The following CEP170 variants were observed in gnomAD, a reference collection of about 807,000 sequenced individuals.
CEP170 encodes the protein centrosomal protein 170, also known as centrosomal protein of 170 kDa.
Under a neutral mutation model 151.9 loss-of-function variants are expected in CEP170, and 21 were observed. That is an observed-to-expected ratio of 0.14 (90% CI 0.10 to 0.20). CEP170 has a LOEUF of 0.20. CEP170 is among the 10% of genes least tolerant of loss of function. The probability of loss-of-function intolerance (pLI) is 1.00; values close to 1 mark genes in which losing one functional copy is unlikely to be tolerated. For missense variants in CEP170, 964 were observed against 1,892.9 expected, an observed-to-expected ratio of 0.51 and a Z score of 9.11; for synonymous variants, 356 against 648.8, an observed-to-expected ratio of 0.55 and a Z score of 6.86.
intron 1 of CEP170, among the ~76,000 whole-genome samples, chr1:243,242,408 C>T (rs529865475): frequency 4.0e-5 from 6 of 151,562 alleles, no homozygotes; most frequent in South Asian, 4.2e-4. Flanking sequence ...TTAGTAGAGA[C>T]GGGGTTTCAC....
At chr1:243,177,921 C>T (rs1447653711) in intron 10 of CEP170, among the ~76,000 whole-genome samples, 1 of 152,140 alleles carries the variant, frequency 6.6e-6, no homozygotes, top group Non-Finnish European at 1.5e-5. Flanking sequence ...TGTGCATGCA[C>T]ATTCACAGCA....
rs543703693 is a variant in CEP170 at position 243,176,971 on chromosome 1, T to C, written c.1567-4125A>G. Among the ~76,000 whole-genome samples the C allele has an allele frequency of 5.3e-5, 8 of 152,372 alleles. No homozygotes were observed. In the East Asian group the frequency reaches 1.3e-3, roughly 26 times the overall value. On this transcript the variant is annotated intron_variant, in intron 10 of 19. Coordinates refer to ENST00000366542, the MANE Select transcript of CEP170 (RefSeq NM_014812.3). ...AAACCAAACCTATGAAAAGTTTGACTGATTTTTTTCACTAGCATATTATGA... is the reference window on the plus strand; with the variant it reads ...AAACCAAACCTATGAAAAGTTTGACCGATTTTTTTCACTAGCATATTATGA...
At chr1:243,149,808 C>T (rs961762859) in intron 14 of CEP170, among the ~76,000 whole-genome samples, 2 of 152,076 alleles carry the variant, frequency 1.3e-5, no homozygotes, top group Non-Finnish European at 2.9e-5. Flanking sequence ...AAACCCACAC[C>T]ATTGAATTCT....
At chr1:243,210,442 C>T (rs1419015779) in intron 4 of CEP170, among the ~76,000 whole-genome samples, 1 of 151,798 alleles carries the variant, frequency 6.6e-6, no homozygotes, top group Non-Finnish European at 1.5e-5. Flanking sequence ...AATTATTTTG[C>T]ATGAAGCATT....
At chr1:243,169,396 A>C (rs2058670196) in intron 12 of CEP170, 2 of 656,304 alleles carry the variant, frequency 3.0e-6, no homozygotes, top group African/African-American at 3.7e-5. Context: ...AATATACAAT[A>C]TCTAATAAAA....
rs1316651683 is a variant in CEP170 at position 243,125,791 on chromosome 1, T to C, written c.*658A>G. 1.6e-5 allele frequency: 4 copies of C among 243,900 alleles called. No homozygotes were observed. The highest frequency in any genetic ancestry group is 9.0e-5 in the African/African-American group (4 of 44,334). The allele number at this position is 243,900 out of a possible 1,614,324, so 15.1% of individuals were successfully genotyped here. ...TAGTCCTTATTGATATATAGATATG[T>C]CCACCTACCACTCCCAGCAAATCTT... On this transcript the variant is annotated 3_prime_UTR_variant, in exon 20 of 20. Coordinates refer to ENST00000366542, the MANE Select transcript of CEP170 (RefSeq NM_014812.3).
At chr1:243,197,831 C>G (rs1431821595) in intron 7 of CEP170, among the ~76,000 whole-genome samples, 1 of 151,956 alleles carries the variant, frequency 6.6e-6, no homozygotes, top group Non-Finnish European at 1.5e-5. Context: ...TGAAAGCGTG[C>G]TAAGTAATAC....
chr1:243,156,300 T>C lies in CEP170; in HGVS notation c.3832A>G (p.Ser1278Gly). Residue 1278 changes from serine to glycine, a missense_variant, in exon 14 of 20, where the codon AGT becomes GGT. Physicochemically the swap from Ser to Gly is moderately conservative, Grantham distance 56. Coordinates refer to ENST00000366542, the MANE Select transcript of CEP170 (RefSeq NM_014812.3). Reference protein sequence around the residue: ...LQSAGSAMPTSSSFKHRIKEQ... With the variant: ...LQSAGSAMPTGSSFKHRIKEQ... ...TTAATCCGGTGTTTGAATGAAGAAC[T>C]AGTAGGCATTGCTGATCCAGCGCTC... 1 of 1,592,266 alleles carries C rather than the reference T, an allele frequency of 6.3e-7. No individual in the cohort carries two copies. Among genetic ancestry groups the C allele is most frequent in the Non-Finnish European group, 8.5e-7 (1 of 1,169,612 alleles).
chr1:243,138,955 A>G (rs576767593), intron 16 of CEP170, among the ~76,000 whole-genome samples: 3 of 152,316 alleles, frequency 2.0e-5, no homozygotes, highest in East Asian at 3.9e-4. Flanking sequence ...CTATGTAGCT[A>G]CCTTTCCTCC....
intron 12 of CEP170, chr1:243,166,671 G>C (rs2058467004): frequency 6.6e-6 from 1 of 152,260 alleles, no homozygotes; most frequent in African/African-American, 2.4e-5. Context: ...AATTCCTAGA[G>C]AAGTCAGGAA....
At chr1:243,150,576 T>C (rs1361401247) in intron 14 of CEP170, among the ~76,000 whole-genome samples, 1 of 152,208 alleles carries the variant, frequency 6.6e-6, no homozygotes, top group Non-Finnish European at 1.5e-5. Flanking sequence ...AAGCATTGGC[T>C]GGGATTCTTA....
intron 14 of CEP170, among the ~76,000 whole-genome samples, chr1:243,148,346 G>A (rs1034443994): frequency 6.3e-4 from 96 of 151,964 alleles, no homozygotes; most frequent in Non-Finnish European, 6.8e-4. Context: ...CGAGGTGGGC[G>A]GATCACCTGA....
intron 7 of CEP170, among the ~76,000 whole-genome samples, chr1:243,196,827 C>T (rs1558560730): frequency 6.6e-6 from 1 of 152,042 alleles, no homozygotes; most frequent in Non-Finnish European, 1.5e-5. Context: ...CTGTAACGTA[C>T]TGACGATAAA....
At chr1:243,252,664 T>C (rs1468486526) in intron 1 of CEP170, among the ~76,000 whole-genome samples, 1 of 152,100 alleles carries the variant, frequency 6.6e-6, no homozygotes, top group Non-Finnish European at 1.5e-5. Context: ...ATTATTTCCA[T>C]ACAAAATAAT....
At chr1:243,188,528 GTTCTT>G (rs1320242728) in intron 8 of CEP170, among the ~76,000 whole-genome samples, 1 of 152,104 alleles carries the variant, frequency 6.6e-6, no homozygotes, top group African/African-American at 2.4e-5. Context: ...TCCTCACCAA[GTTCTT>G]TTCTTTCCTT....
At chr1:243,169,803 G>C in intron 11 of CEP170, 49 bp from the exon 12 acceptor site, 1 of 1,570,214 alleles carries the variant, frequency 6.4e-7, no homozygotes, top group Non-Finnish European at 8.6e-7. Context: ...GGTCATATCT[G>C]AGTCTCATGA....
chr1:243,151,197 T>G (rs2057038998), intron 14 of CEP170, among the ~76,000 whole-genome samples: 1 of 152,080 alleles, frequency 6.6e-6, no homozygotes, highest in Non-Finnish European at 1.5e-5. Flanking sequence ...AGGGCTATCC[T>G]TTAGGCATGT....
Position 243,148,422 on chromosome 1 carries a change from A to G in CEP170, c.3912-5959T>C, listed in dbSNP as rs549061526. ...CCCATCTCTACTAAAAATACAAAAA[A>G]AATTAGCAAGGCATGGTGGTGTACA... On this transcript the variant is annotated intron_variant, in intron 14 of 19. Coordinates refer to ENST00000366542, the MANE Select transcript of CEP170 (RefSeq NM_014812.3). Among the ~76,000 whole-genome samples, 11 of 151,956 alleles carry G rather than the reference A, an allele frequency of 7.2e-5. No homozygotes were observed. In the East Asian group the frequency reaches 2.1e-3, roughly 30 times the overall value.
chr1:243,162,318 T>C (rs2058130885), intron 13 of CEP170, among the ~76,000 whole-genome samples: 3 of 152,218 alleles, frequency 2.0e-5, no homozygotes, highest in Non-Finnish European at 4.4e-5. Flanking sequence ...TTGATTCTTA[T>C]TCTGCCCCTG....
Sources: gnomAD v4.1 joint callset for allele counts (sites outside exome capture counted in the v4.1 genomes callset) on GRCh38, gnomAD v4.1.1 for gene constraint, MANE v1.5 for transcripts, NCBI Gene and HGNC (gene_info 2026-07-23, HGNC 2026-07-21) for gene names.